MYO3B: variants seen among roughly 807,000 people sequenced by gnomAD.
The protein encoded by MYO3B is myosin IIIB.
A neutral mutation model predicts 174.6 loss-of-function variants in MYO3B; 156 were observed. The observed-to-expected ratio is 0.89, with a 90% CI of 0.78 to 1.02. MYO3B has a LOEUF of 1.02. Among genes scored for constraint, MYO3B ranks in the 50% least tolerant of loss-of-function variants. The probability of loss-of-function intolerance (pLI) is 0.00; values close to 1 mark genes in which losing one functional copy is unlikely to be tolerated. For synonymous variants in MYO3B, 563 were observed against 569.1 expected (o/e 0.99, Z 0.15); for missense variants, 1,632 against 1,639.4 (o/e 1.00, Z 0.08).
intron 7 of MYO3B, among the ~76,000 whole-genome samples, chr2:170,318,698 G>A (rs567533236): frequency 2.0e-5 from 3 of 152,284 alleles, no homozygotes; most frequent in East Asian, 1.9e-4. Flanking sequence ...CAGAGAAGAC[G>A]TATATAAATT....
At chr2:170,204,294 T>C (rs888086120) in intron 3 of MYO3B, among the ~76,000 whole-genome samples, 1 of 152,220 alleles carries the variant, frequency 6.6e-6, no homozygotes. Flanking sequence ...TTCCTTTATG[T>C]TATCTGTAGA....
chr2:170,291,189 C>T (rs1397556092), intron 7 of MYO3B, among the ~76,000 whole-genome samples: 1 of 151,952 alleles, frequency 6.6e-6, no homozygotes, highest in Non-Finnish European at 1.5e-5. Context: ...GCAGAAGCTG[C>T]AGTGAGCCGA....
intron 8 of MYO3B, among the ~76,000 whole-genome samples, chr2:170,351,856 A>C (rs2094073584): frequency 6.6e-6 from 1 of 152,238 alleles, no homozygotes; most frequent in Non-Finnish European, 1.5e-5. Context: ...ACAATTTGGG[A>C]TAAAATACGT....
intron 32 of MYO3B, among the ~76,000 whole-genome samples, chr2:170,603,583 A>T (rs1347129977): frequency 6.6e-6 from 1 of 152,178 alleles, no homozygotes; most frequent in Non-Finnish European, 1.5e-5. Context: ...ACTACAAAAC[A>T]GGAAAACAGT....
At chr2:170,580,022 C>T (rs778917500) in intron 32 of MYO3B, among the ~76,000 whole-genome samples, 1 of 152,114 alleles carries the variant, frequency 6.6e-6, no homozygotes, top group Non-Finnish European at 1.5e-5. Context: ...TATTTTTCTT[C>T]CTTAAATTTG....
intron 32 of MYO3B, among the ~76,000 whole-genome samples, chr2:170,575,879 T>C (rs1692753097): frequency 6.6e-6 from 1 of 152,198 alleles, no homozygotes; most frequent in Non-Finnish European, 1.5e-5. Context: ...AGAAAACCCC[T>C]TTCTCCCATT....
chr2:170,470,542 T>A (rs1345047435), intron 25 of MYO3B, among the ~76,000 whole-genome samples: 1 of 152,162 alleles, frequency 6.6e-6, no homozygotes, highest in Non-Finnish European at 1.5e-5. Flanking sequence ...TTTTGGCTGT[T>A]ATGAATAATG....
chr2:170,466,824 AG>A (rs1327065882), intron 25 of MYO3B, 113 bp downstream of exon 25: 1 of 1,042,628 alleles, frequency 9.6e-7, no homozygotes, highest in Non-Finnish European at 1.4e-6. Flanking sequence ...GTAATTGGCT[AG>A]TTGCCAGCTA....
intron 8 of MYO3B, chr2:170,350,729 C>T (rs2094060145): frequency 6.6e-6 from 1 of 152,138 alleles, no homozygotes; most frequent in Admixed American, 6.5e-5. Flanking sequence ...TAATTTTGGC[C>T]ACGTACCTTA....
intron 22 of MYO3B, among the ~76,000 whole-genome samples, chr2:170,414,744 G>T (rs1385041011): frequency 3.3e-5 from 5 of 152,088 alleles, no homozygotes; most frequent in Non-Finnish European, 5.9e-5. Context: ...GATCTTCTTT[G>T]ATTTATTTAA....
At chr2:170,352,968 TG>T (rs1165870933) in intron 8 of MYO3B, among the ~76,000 whole-genome samples, 1 of 152,208 alleles carries the variant, frequency 6.6e-6, no homozygotes, top group Non-Finnish European at 1.5e-5. Context: ...GGAATGCAAA[TG>T]GTATAGCCAC....
intron 32 of MYO3B, among the ~76,000 whole-genome samples, chr2:170,650,313 T>C (rs1698905396): frequency 6.6e-6 from 1 of 152,120 alleles, no homozygotes; most frequent in African/African-American, 2.4e-5. Context: ...TACAAAACTT[T>C]ATACTTAGGG....
At chr2:170,336,570 G>A (rs976989193) in intron 8 of MYO3B, among the ~76,000 whole-genome samples, 1 of 152,064 alleles carries the variant, frequency 6.6e-6, no homozygotes, top group Admixed American at 6.6e-5. Context: ...CTGATTTGAT[G>A]GTAACATATG....
At chr2:170,406,420 G>A (rs1245879805) in intron 21 of MYO3B, among the ~76,000 whole-genome samples, 1 of 152,190 alleles carries the variant, frequency 6.6e-6, no homozygotes, top group Non-Finnish European at 1.5e-5. Context: ...TGGATGTTGG[G>A]AAATTCTAGT....
chr2:170,285,259 C>T (rs945009118), intron 7 of MYO3B, among the ~76,000 whole-genome samples: 3 of 152,226 alleles, frequency 2.0e-5, no homozygotes, highest in African/African-American at 4.8e-5. Flanking sequence ...ATTAACAACT[C>T]GCATTCCAAA....
intron 7 of MYO3B, among the ~76,000 whole-genome samples, chr2:170,297,434 G>A (rs1036173232): frequency 2.0e-5 from 3 of 152,110 alleles, no homozygotes; most frequent in African/African-American, 4.8e-5. Context: ...GCTGCAGAGT[G>A]CAAAATTCAG....
At chr2:170,193,669 T>C (rs2092567237) in intron 1 of MYO3B, among the ~76,000 whole-genome samples, 2 of 152,242 alleles carry the variant, frequency 1.3e-5, no homozygotes, top group South Asian at 4.1e-4. Flanking sequence ...CAAAGACTTA[T>C]AGTCTATTTT....
intron 6 of MYO3B, among the ~76,000 whole-genome samples, chr2:170,234,748 TCATGTCAAAAA>T (rs1469029408): frequency 6.6e-6 from 1 of 152,210 alleles, no homozygotes. Flanking sequence ...TGGTGGTTGC[TCATGTCAAAAA>T]CTTTGGAGTG....
intron 25 of MYO3B, among the ~76,000 whole-genome samples, chr2:170,497,978 T>C (rs1686995058): frequency 6.7e-6 from 1 of 149,540 alleles, no homozygotes. Context: ...AAAAGATGCT[T>C]TTCCTTCACT....
Sources: gnomAD v4.1 joint callset for allele counts (sites outside exome capture counted in the v4.1 genomes callset) on GRCh38, gnomAD v4.1.1 for gene constraint, MANE v1.5 for transcripts, NCBI Gene and HGNC (gene_info 2026-07-23, HGNC 2026-07-21) for gene names.